The following ALK variants were observed in gnomAD, a reference collection of about 807,000 sequenced individuals.
ALK encodes ALK receptor tyrosine kinase, also known as ALK tyrosine kinase receptor.
ALK carries 74 observed loss-of-function variants against 163.1 expected under a neutral mutation model. That is an observed-to-expected ratio of 0.45 (90% CI 0.38 to 0.55). ALK has a LOEUF of 0.55. ALK is among the 20% of genes least tolerant of loss of function. The probability of loss-of-function intolerance (pLI) is 0.00; values close to 1 mark genes in which losing one functional copy is unlikely to be tolerated. For missense variants in ALK, 2,063 were observed against 2,105.3 expected, an observed-to-expected ratio of 0.98 and a Z score of 0.39; for synonymous variants, 960 against 843.2, an observed-to-expected ratio of 1.14 and a Z score of -2.40.
chr2:29,666,781 G>A (rs960104036), intron 3 of ALK, among the ~76,000 whole-genome samples: 1 of 151,836 alleles, frequency 6.6e-6, no homozygotes, highest in Non-Finnish European at 1.5e-5. Context: ...CAGTTAAGTG[G>A]TAATAACTAT....
intron 1 of ALK, among the ~76,000 whole-genome samples, chr2:29,797,314 C>T (rs751194570): frequency 6.6e-6 from 1 of 152,164 alleles, no homozygotes; most frequent in African/African-American, 2.4e-5. Context: ...ATTTCCTCCA[C>T]CAAAAATGCT....
rs752501243 is a variant in ALK, at chr2:29,920,580, T to C, written c.80A>G (p.Gln27Arg). The change falls in exon 1 of 29, where the codon CAG becomes CGG. Residue 27 changes from glutamine (Q) to arginine (R), a missense_variant. Physicochemically the swap from Gln to Arg is conservative, Grantham distance 43. Around this residue, in one of 5 missense-constraint regions of ALK, gnomAD observed 987 missense variants for 939.5 expected, o/e 1.05. Transcript: ENST00000389048. ...CCCCGCAGCTGGGGAGCCCGCGCGC[T>C]GGCCGGTCCCCATCCCGGAGCCCAC... is the stretch of plus-strand genomic sequence containing the variant. ...AAVGSGMGTG[Q>R]RAGSPAAGPP... 8 of 1,581,258 alleles carry C rather than the reference T, an allele frequency of 5.1e-6. No individual in the cohort carries two copies. Among genetic ancestry groups the C allele is most frequent in the Non-Finnish European group, 5.1e-6 (6 of 1,168,442 alleles).
At chr2:29,405,204 T>G (rs866429246) in intron 4 of ALK, among the ~76,000 whole-genome samples, 4 of 152,212 alleles carry the variant, frequency 2.6e-5, no homozygotes, top group Non-Finnish European at 4.4e-5. Flanking sequence ...TCATTAAAGA[T>G]TAATGAGAGG....
chr2:29,789,015 C>CTGTGTG (rs57619106), intron 1 of ALK, among the ~76,000 whole-genome samples: 8,364 of 125,362 alleles, frequency 0.067, 421 homozygotes, highest in Middle Eastern at 0.091. Flanking sequence ...TCCTGGTACA[C>CTGTGTG]TGTGTGTGTG....
At chr2:29,775,741 T>A (rs1681158379) in intron 1 of ALK, among the ~76,000 whole-genome samples, 1 of 152,194 alleles carries the variant, frequency 6.6e-6, no homozygotes, top group Non-Finnish European at 1.5e-5. Flanking sequence ...ATTGTACCTG[T>A]CCATAGCCTA....
chr2:29,746,830 T>C (rs1405320000), intron 1 of ALK, among the ~76,000 whole-genome samples: 7 of 152,212 alleles, frequency 4.6e-5, no homozygotes, highest in African/African-American at 1.4e-4. Flanking sequence ...TCTTTTCACC[T>C]GGGAGAGAAA....
chr2:29,807,759 C>A (rs115150188), intron 1 of ALK, among the ~76,000 whole-genome samples: 195 of 152,272 alleles, frequency 1.3e-3, no homozygotes, highest in African/African-American at 4.6e-3. Flanking sequence ...GAATTTTCCC[C>A]ACAGTATAGA....
At chr2:29,253,892 A>G (rs75544303) in intron 11 of ALK, among the ~76,000 whole-genome samples, 120 of 135,696 alleles carry the variant, frequency 8.8e-4, no homozygotes, top group African/African-American at 3.9e-3. Flanking sequence ...AGATAGATAG[A>G]TAGGTAGATA....
rs6717941 is a variant in ALK, at chr2:29,580,655, G to C, written c.953-48539C>G. On this transcript the variant is annotated intron_variant, in intron 3 of 28. Transcript: ENST00000389048. The stretch of plus-strand genomic sequence containing the variant: ...AGCAACATGTGGCACCGATCATGTA[G>C]GTGCAAGGGCTGTGATTTCTAAATT... 1.1e-3 allele frequency among the ~76,000 whole-genome samples: 170 copies of C among 152,354 alleles called. 5 individuals carry two copies. In the East Asian group the frequency reaches 0.024, roughly 21 times the overall value.
intron 1 of ALK, among the ~76,000 whole-genome samples, chr2:29,844,800 T>C (rs775182873): frequency 1.3e-4 from 20 of 152,070 alleles, no homozygotes; most frequent in Non-Finnish European, 2.6e-4. Flanking sequence ...ATGTGTTTGA[T>C]GTTGCTAGCA....
intron 4 of ALK, among the ~76,000 whole-genome samples, chr2:29,386,634 T>G (rs1244397657): frequency 6.6e-6 from 1 of 152,226 alleles, no homozygotes; most frequent in African/African-American, 2.4e-5. Context: ...TGATTTCCAT[T>G]TCTATATTGG....
At chr2:29,836,594 T>C (rs1665567908) in intron 1 of ALK, among the ~76,000 whole-genome samples, 1 of 152,242 alleles carries the variant, frequency 6.6e-6, no homozygotes, top group Admixed American at 6.5e-5. Flanking sequence ...GTAAGTGTAA[T>C]ATCACCTTAA....
chr2:29,592,238 G>A (rs1179516804), intron 3 of ALK, among the ~76,000 whole-genome samples: 1 of 151,984 alleles, frequency 6.6e-6, no homozygotes, highest in Non-Finnish European at 1.5e-5. Flanking sequence ...TTTGTTCCTG[G>A]AATACCACCA....
chr2:29,421,476 T>C (rs1318197498), intron 4 of ALK, among the ~76,000 whole-genome samples: 5 of 151,510 alleles, frequency 3.3e-5, no homozygotes, highest in Non-Finnish European at 5.9e-5. Context: ...ATGAGACTCC[T>C]GAGGGACGTG....
At chr2:29,706,750 C>T (rs1392740774) in intron 2 of ALK, among the ~76,000 whole-genome samples, 2 of 152,204 alleles carry the variant, frequency 1.3e-5, no homozygotes, top group Non-Finnish European at 2.9e-5. Flanking sequence ...AAACAGGACT[C>T]TGCTCTTAAT....
intron 4 of ALK, among the ~76,000 whole-genome samples, chr2:29,415,834 T>C (rs1350583006): frequency 6.6e-6 from 1 of 152,228 alleles, no homozygotes; most frequent in Non-Finnish European, 1.5e-5. Flanking sequence ...TTCTCTCTTC[T>C]TGAACTAAAA....
intron 4 of ALK, among the ~76,000 whole-genome samples, chr2:29,446,624 A>G (rs1346723619): frequency 6.6e-6 from 1 of 152,226 alleles, no homozygotes; most frequent in African/African-American, 2.4e-5. Context: ...AAGATCTCCA[A>G]GCTGAGCTGC....
At chr2:29,583,810 C>T (rs930040307) in intron 3 of ALK, among the ~76,000 whole-genome samples, 1 of 152,152 alleles carries the variant, frequency 6.6e-6, no homozygotes, top group African/African-American at 2.4e-5. Context: ...GGGGCAATGA[C>T]CAGTCTTCAG....
chr2:29,334,186 C>T (rs1667540639), intron 5 of ALK, among the ~76,000 whole-genome samples: 1 of 152,182 alleles, frequency 6.6e-6, no homozygotes, highest in Non-Finnish European at 1.5e-5. Flanking sequence ...CTTCTTCTTA[C>T]AATTAATGTG....
Sources: gnomAD v4.1 joint callset for allele counts (sites outside exome capture counted in the v4.1 genomes callset) on GRCh38, gnomAD v4.1.1 for gene constraint, gnomAD v4.1.1 regional missense constraint, MANE v1.5 for transcripts, NCBI Gene and HGNC (gene_info 2026-07-23, HGNC 2026-07-21) for gene names.